LRPPRC: variants seen among roughly 807,000 people sequenced by gnomAD.
The protein encoded by LRPPRC is leucine-rich PPR motif-containing protein, mitochondrial.
Under a neutral mutation model 180.3 loss-of-function variants are expected in LRPPRC, and 120 were observed. The observed-to-expected ratio is 0.67, with a 90% CI of 0.57 to 0.77. The LOEUF (loss-of-function observed/expected upper bound fraction) is 0.77, where lower values mean the gene tolerates loss of function less well. Among genes scored for constraint, LRPPRC ranks in the 30% least tolerant of loss-of-function variants. LRPPRC has a pLI of 0.00. For missense variants in LRPPRC, 2,012 were observed against 1,657.2 expected (o/e 1.21, Z -3.72); for synonymous variants, 723 against 600.0 (o/e 1.21, Z -3.00).
intron 12 of LRPPRC, among the ~76,000 whole-genome samples, chr2:43,962,024 T>G (rs1673367823): frequency 6.6e-6 from 1 of 152,202 alleles, no homozygotes. Context: ...AACAGAGTAG[T>G]TGTTTTCAAT....
Position 43,995,408 on chromosome 2 carries a change from T to C in LRPPRC, c.149+391A>G, listed in dbSNP as rs536605860. Reference sequence around the variant, plus strand: ...CAATATCTAAATGCTAGGTGGTTACTGATCACCAACGGTGACCGCACGTGG... The same window carrying C: ...CAATATCTAAATGCTAGGTGGTTACCGATCACCAACGGTGACCGCACGTGG... On this transcript the variant is annotated intron_variant, in intron 1 of 37. Coordinates refer to ENST00000260665, the MANE Select transcript of LRPPRC (RefSeq NM_133259.4). Among the ~76,000 whole-genome samples, 44 of 152,340 alleles carry C rather than the reference T, an allele frequency of 2.9e-4. No homozygotes were observed. In the South Asian group the frequency reaches 3.9e-3, roughly 14 times the overall value.
rs139634347 is a variant in LRPPRC at position 43,943,866 on chromosome 2, T to C, written c.2325A>G (p.Lys775=). The C allele has an allele frequency of 1.6e-3, 2,646 of 1,613,008 alleles. 67 individuals are homozygous for C. In the Admixed American group the frequency reaches 0.04, roughly 24 times the overall value. ...QDAINILKEM[K]EKDVLIKDTT... The stretch of plus-strand genomic sequence containing the variant: ...TATCTTTGATAAGAACATCCTTCTC[T>C]TTCATCTCCTTCAGAATGTTAATAG... Residue 775 remains lysine (K), a synonymous_variant, in exon 23 of 38, where the codon AAA becomes AAG. Coordinates refer to ENST00000260665, the MANE Select transcript of LRPPRC (RefSeq NM_133259.4).
chr2:43,893,659 C>A (rs1248618741), intron 36 of LRPPRC, among the ~76,000 whole-genome samples: 1 of 152,170 alleles, frequency 6.6e-6, no homozygotes, highest in Non-Finnish European at 1.5e-5. Context: ...CCAAAAAATT[C>A]ATGTAACTTT....
chr2:43,891,845 T>G (rs950259337), intron 36 of LRPPRC, among the ~76,000 whole-genome samples: 2 of 152,276 alleles, frequency 1.3e-5, no homozygotes, highest in Admixed American at 6.5e-5. Flanking sequence ...CTAGGCTTCT[T>G]GCGTGGAACA....
At chr2:43,945,652 G>A (rs1672654091) in intron 21 of LRPPRC, among the ~76,000 whole-genome samples, 1 of 152,022 alleles carries the variant, frequency 6.6e-6, no homozygotes, top group Non-Finnish European at 1.5e-5. Flanking sequence ...CACTCCATCT[G>A]CAAAGGATAC....
At chr2:43,909,718 A>T (rs369667206) in intron 30 of LRPPRC, among the ~76,000 whole-genome samples, 56 of 152,098 alleles carry the variant, frequency 3.7e-4, no homozygotes, top group African/African-American at 1.1e-3. Context: ...AATGGTTCCA[A>T]GGGTGTATAC....
intron 27 of LRPPRC, among the ~76,000 whole-genome samples, 155 bp from the exon 28 acceptor site, chr2:43,918,553 G>A (rs141710667): frequency 2.6e-5 from 4 of 151,940 alleles, no homozygotes; most frequent in African/African-American, 4.8e-5. Context: ...ACCCGAAGTC[G>A]AGAAGGGAAC....
intron 25 of LRPPRC, among the ~76,000 whole-genome samples, chr2:43,928,436 A>C (rs1002321725): frequency 6.6e-6 from 1 of 152,174 alleles, no homozygotes. Flanking sequence ...ATTTAACTCA[A>C]ATAGAAATTT....
At chr2:43,994,361 G>C (rs1176734026) in intron 1 of LRPPRC, among the ~76,000 whole-genome samples, 2 of 152,100 alleles carry the variant, frequency 1.3e-5, no homozygotes, top group East Asian at 1.9e-4. Context: ...GTTCAGGCTG[G>C]TCCATGAAGG....
chr2:43,899,660 G>A (rs1670817125), intron 32 of LRPPRC, 55 bp from the exon 33 acceptor site: 1 of 1,207,570 alleles, frequency 8.3e-7, no homozygotes, highest in South Asian at 1.2e-5. Context: ...AATATTACAG[G>A]CAGTTTAGTC....
intron 14 of LRPPRC, among the ~76,000 whole-genome samples, chr2:43,956,143 A>G (rs1673104549): frequency 6.6e-6 from 1 of 152,170 alleles, no homozygotes; most frequent in Admixed American, 6.5e-5. Flanking sequence ...AAAACAAAAC[A>G]AAACAAAAAC....
chr2:43,903,878 A>C (rs551993960), intron 31 of LRPPRC: 50 of 152,306 alleles, frequency 3.3e-4, no homozygotes, highest in African/African-American at 1.2e-3. Flanking sequence ...ATGGCGAGCA[A>C]GTTTAACTTT....
chr2:43,893,439 G>C (rs1558891262), intron 36 of LRPPRC, among the ~76,000 whole-genome samples: 1 of 152,164 alleles, frequency 6.6e-6, no homozygotes, highest in Admixed American at 6.5e-5. Context: ...TCAACCTTTA[G>C]CAATCATCAC....
rs995122586 is a variant in LRPPRC at position 43,886,582 on chromosome 2, AG to A, written c.*2017del. ...CCGCTGCTGCCGAGAGGGCTAGATA[AG>A]GGGGTCTTACCTATTTCCTCTGTAC... On this transcript the variant is annotated 3_prime_UTR_variant, in exon 38 of 38. Transcript: ENST00000260665. 3 of 152,242 alleles carry A rather than the reference AG, an allele frequency of 2.0e-5. No homozygotes were observed. Among genetic ancestry groups the A allele is most frequent in the African/African-American group, 4.8e-5 (2 of 41,452 alleles). 9.4% of individuals were successfully genotyped at this position (152,242 alleles called of 1,614,324 possible).
intron 14 of LRPPRC, among the ~76,000 whole-genome samples, chr2:43,952,762 A>G (rs1264455736): frequency 6.6e-6 from 1 of 152,152 alleles, no homozygotes; most frequent in Non-Finnish European, 1.5e-5. Context: ...GCGATGTAAA[A>G]TACCTTCAAC....
At chr2:43,939,711 C>T (rs964544264) in intron 23 of LRPPRC, among the ~76,000 whole-genome samples, 1 of 152,168 alleles carries the variant, frequency 6.6e-6, no homozygotes, top group African/African-American at 2.4e-5. Context: ...ACTGGTGTTG[C>T]AATTACAACT....
At chr2:43,985,507 G>C (rs149725063) in intron 1 of LRPPRC, among the ~76,000 whole-genome samples, 3 of 151,848 alleles carry the variant, frequency 2.0e-5, no homozygotes, top group Non-Finnish European at 4.4e-5. Flanking sequence ...CCCTCCTTCC[G>C]AACCCCTGGC....
At chr2:43,996,076 G>T (rs1675059622), upstream of LRPPRC, 1 of 860,316 alleles carries the variant, frequency 1.2e-6, no homozygotes, top group Non-Finnish European at 1.8e-6. Context: ...GCGACGGATT[G>T]TTTTAGGTTG....
intron 2 of LRPPRC, among the ~76,000 whole-genome samples, chr2:43,981,376 C>G (rs1226336978): frequency 6.6e-6 from 1 of 151,750 alleles, no homozygotes; most frequent in African/African-American, 2.4e-5. Flanking sequence ...GAATAAACAT[C>G]TAGACCAGGT....
Sources: gnomAD v4.1 joint callset for allele counts (sites outside exome capture counted in the v4.1 genomes callset) on GRCh38, gnomAD v4.1.1 for gene constraint, MANE v1.5 for transcripts, NCBI Gene and HGNC (gene_info 2026-07-23, HGNC 2026-07-21) for gene names.